GRM7: variants seen among roughly 807,000 people sequenced by gnomAD.
GRM7 encodes metabotropic glutamate receptor 7.
A neutral mutation model predicts 84.5 loss-of-function variants in GRM7; 35 were observed. The observed-to-expected ratio is 0.41, with a 90% CI of 0.32 to 0.55. GRM7 has a LOEUF of 0.55. Among genes scored for constraint, GRM7 ranks in the 20% least tolerant of loss-of-function variants. The pLI, the probability that GRM7 is intolerant of heterozygous loss-of-function variation, is 0.19. For synonymous variants in GRM7, 487 were observed against 455.1 expected (o/e 1.07, Z -0.89); for missense variants, 1,003 against 1,194.6 (o/e 0.84, Z 2.36).
chr3:7,244,493 A>C (rs1163735573), intron 2 of GRM7, among the ~76,000 whole-genome samples: 1 of 152,100 alleles, frequency 6.6e-6, no homozygotes, highest in African/African-American at 2.4e-5. Flanking sequence ...ATATTTCAGC[A>C]ACTGTCCATT....
chr3:7,517,685 G>T (rs1046510679), intron 7 of GRM7, among the ~76,000 whole-genome samples: 3 of 152,150 alleles, frequency 2.0e-5, no homozygotes, highest in Non-Finnish European at 2.9e-5. Flanking sequence ...GAGCCACCAT[G>T]CTTCCCTAGT....
intron 1 of GRM7, among the ~76,000 whole-genome samples, chr3:7,110,943 T>C (rs1319899301): frequency 6.6e-6 from 1 of 151,978 alleles, no homozygotes; most frequent in Non-Finnish European, 1.5e-5. Flanking sequence ...GAGATACAAG[T>C]TGAAGTACAG....
chr3:6,898,402 C>CAA (rs58548226), intron 1 of GRM7, among the ~76,000 whole-genome samples: 32 of 101,838 alleles, frequency 3.1e-4, no homozygotes, highest in South Asian at 1.1e-3. Context: ...GGCACAAAGA[C>CAA]AAAAAAAAAA....
chr3:7,264,912 T>G (rs867509947), intron 2 of GRM7, among the ~76,000 whole-genome samples: 1 of 152,226 alleles, frequency 6.6e-6, no homozygotes. Flanking sequence ...TGAGAGTCAA[T>G]GAAAGTTGCA....
intron 4 of GRM7, among the ~76,000 whole-genome samples, chr3:7,367,986 C>CA (rs35043946): frequency 1 from 149,139 of 149,450 alleles, 74,415 homozygotes; most frequent in East Asian, 1. Flanking sequence ...ACTACACAGA[C>CA]AATGAAAAAT....
At chr3:7,095,210 T>C (rs1698814521) in intron 1 of GRM7, among the ~76,000 whole-genome samples, 1 of 152,144 alleles carries the variant, frequency 6.6e-6, no homozygotes, top group Non-Finnish European at 1.5e-5. Flanking sequence ...CCTAAACCTC[T>C]GAAAAGAAGG....
chr3:7,406,548 C>A (rs1478736915), intron 4 of GRM7, among the ~76,000 whole-genome samples: 7 of 151,976 alleles, frequency 4.6e-5, no homozygotes, highest in Admixed American at 1.3e-4. Flanking sequence ...TAGAATGATA[C>A]AATCAAATCA....
chr3:7,271,427 C>T (rs62234947), intron 2 of GRM7, among the ~76,000 whole-genome samples: 50,033 of 151,466 alleles, frequency 0.33, 10,086 homozygotes, highest in Admixed American at 0.5. Flanking sequence ...GGCGTGGTGG[C>T]GGGCGCCTGT....
intron 2 of GRM7, among the ~76,000 whole-genome samples, chr3:7,265,350 T>G (rs768996125): frequency 3.3e-5 from 5 of 152,226 alleles, no homozygotes; most frequent in Non-Finnish European, 7.3e-5. Context: ...CCAGGTTCAT[T>G]TCTAAGAACT....
At chr3:7,493,118 C>T (rs1294928760) in intron 7 of GRM7, among the ~76,000 whole-genome samples, 1 of 151,836 alleles carries the variant, frequency 6.6e-6, no homozygotes, top group Non-Finnish European at 1.5e-5. Flanking sequence ...GTTCTATGAG[C>T]ACTTGGGAAA....
chr3:6,953,658 C>T (rs1692890792), intron 1 of GRM7, among the ~76,000 whole-genome samples: 1 of 152,198 alleles, frequency 6.6e-6, no homozygotes. Context: ...CAAAATCACA[C>T]ATCACATCTC....
intron 1 of GRM7, among the ~76,000 whole-genome samples, chr3:6,925,789 G>A (rs116294345): frequency 0.021 from 3,174 of 152,200 alleles, 112 homozygotes; most frequent in African/African-American, 0.073. Context: ...CCTTGTCCTG[G>A]TGGAACTGGA....
At chr3:6,957,401 T>A (rs1419173131) in intron 1 of GRM7, among the ~76,000 whole-genome samples, 2 of 152,188 alleles carry the variant, frequency 1.3e-5, no homozygotes, top group Non-Finnish European at 2.9e-5. Flanking sequence ...AGAACGAGTG[T>A]TCCCTGAGGG....
intron 1 of GRM7, among the ~76,000 whole-genome samples, chr3:6,988,068 C>G (rs1024792096): frequency 6.7e-6 from 1 of 148,286 alleles, no homozygotes; most frequent in African/African-American, 2.5e-5. Flanking sequence ...GCGAACTCGG[C>G]TCACTGCAAG....
intron 8 of GRM7, among the ~76,000 whole-genome samples, chr3:7,584,389 T>G (rs534885675): frequency 2.6e-5 from 4 of 152,340 alleles, no homozygotes; most frequent in Admixed American, 2.6e-4. Flanking sequence ...TTGACTTATG[T>G]GCCTGTTGAA....
chr3:7,578,664 G>A lies in GRM7; in HGVS notation c.1758G>A (p.Trp586Ter). Residue 586 changes from tryptophan to a stop codon, truncating the protein, a stop_gained, in exon 8 of 10, where the codon TGG (tryptophan) becomes TGA (stop). Coordinates refer to ENST00000357716, the MANE Select transcript of GRM7 (RefSeq NM_000844.4). LOFTEE classifies it high-confidence loss of function. ...ATATTCCCATCATCAAACTGGAGTG[G>A]CACTCCCCCTGGGCTGTGATTCCTG... ...CQDIPIIKLE[W>*]HSPWAVIPVF... The A allele has an allele frequency of 6.2e-7, 1 of 1,613,818 alleles. No individual in the cohort carries two copies. Among genetic ancestry groups the A allele is most frequent in the Non-Finnish European group, 8.5e-7 (1 of 1,179,754 alleles).
chr3:7,416,670 A>G (rs1696172594), intron 5 of GRM7, among the ~76,000 whole-genome samples: 1 of 152,184 alleles, frequency 6.6e-6, no homozygotes, highest in South Asian at 2.1e-4. Context: ...TATTAAAGGT[A>G]TCATTCAGTC....
chr3:7,472,198 C>T (rs937943025), intron 7 of GRM7, among the ~76,000 whole-genome samples: 2 of 152,164 alleles, frequency 1.3e-5, no homozygotes, highest in African/African-American at 4.8e-5. Flanking sequence ...GAGGCTCTTG[C>T]CACATGCCCA....
chr3:7,668,236 G>A (rs1379604669), intron 8 of GRM7, among the ~76,000 whole-genome samples: 5 of 152,124 alleles, frequency 3.3e-5, no homozygotes, highest in African/African-American at 1.2e-4. Flanking sequence ...CCTTCCCACC[G>A]AGTACCTTTT....
Sources: allele counts gnomAD v4.1 joint callset (sites outside exome capture counted in the v4.1 genomes callset), GRCh38; gene constraint gnomAD v4.1.1; transcripts MANE v1.5; gene names NCBI Gene and HGNC (gene_info 2026-07-23, HGNC 2026-07-21).